The following IGF2R variants were observed in gnomAD, a reference collection of about 807,000 sequenced individuals.
The protein encoded by IGF2R is insulin like growth factor 2 receptor.
Under a neutral mutation model 270.6 loss-of-function variants are expected in IGF2R, and 91 were observed. The ratio of observed to expected loss-of-function variants is 0.34; its 90% CI spans 0.28 to 0.40. The LOEUF is 0.40. Ranked by LOEUF, IGF2R falls within the 10% of genes least tolerant of loss-of-function variation. The pLI is 1.00. For synonymous variants in IGF2R, 1,316 were observed against 1,258.9 expected (o/e 1.05, Z -0.96); for missense variants, 2,805 against 3,188.3 (o/e 0.88, Z 2.90).
chr6:159,992,122 A>G (rs1783988266), intron 2 of IGF2R, among the ~76,000 whole-genome samples: 1 of 152,226 alleles, frequency 6.6e-6, no homozygotes, highest in Non-Finnish European at 1.5e-5. Context: ...TAGAGATGGT[A>G]TATGACTAGG....
Position 160,056,456 on chromosome 6 carries a change from G to A in IGF2R, c.2727G>A (p.Glu909=). ...ACCCCATCTTTTCTCTCAACTGGGA[G>A]TGTGTGGTCAGTTTCCTGTGGAACA... ...NSHPIFSLNW[E]CVVSFLWNTE... is the part of the protein sequence containing the mutation. The change falls in exon 20 of 48, where the codon GAG becomes GAA. Residue 909 remains glutamate (E), a synonymous_variant. Transcript: ENST00000356956. The A allele has an allele frequency of 1.9e-6, 3 of 1,614,078 alleles. No homozygotes were observed. The highest frequency in any genetic ancestry group is 2.5e-6 in the Non-Finnish European group (3 of 1,179,922).
At chr6:160,065,098 C>T (rs1778538100) in intron 29 of IGF2R, among the ~76,000 whole-genome samples, 197 bp downstream of exon 29, 1 of 152,168 alleles carries the variant, frequency 6.6e-6, no homozygotes, top group Non-Finnish European at 1.5e-5. Context: ...GTGGTGACTG[C>T]ATGGGGAAGG....
At chr6:160,012,303 G>C (rs1034095058) in intron 4 of IGF2R, among the ~76,000 whole-genome samples, 2 of 152,164 alleles carry the variant, frequency 1.3e-5, no homozygotes, top group African/African-American at 2.4e-5. Context: ...GTTTGGGGGT[G>C]AGGGTGGGAG....
intron 45 of IGF2R, among the ~76,000 whole-genome samples, chr6:160,097,754 C>T (rs1324218699): frequency 6.6e-6 from 1 of 152,134 alleles, no homozygotes; most frequent in Admixed American, 6.5e-5. Context: ...AGTCAGCAGA[C>T]GACAGTGGTG....
chr6:160,031,138 G>A (rs573955690), intron 7 of IGF2R, among the ~76,000 whole-genome samples: 8 of 152,232 alleles, frequency 5.3e-5, no homozygotes, highest in Non-Finnish European at 1.2e-4. Flanking sequence ...CACCGCACCG[G>A]CCAGGTTTCT....
chr6:160,075,430 G>T (rs919167427), intron 35 of IGF2R, among the ~76,000 whole-genome samples: 1 of 152,200 alleles, frequency 6.6e-6, no homozygotes, highest in African/African-American at 2.4e-5. Context: ...AGGGTGGCAG[G>T]TCAGCATGGA....
chr6:159,984,392 G>A (rs10945645), intron 1 of IGF2R, among the ~76,000 whole-genome samples: 27,034 of 152,096 alleles, frequency 0.18, 2,891 homozygotes, highest in East Asian at 0.46. Flanking sequence ...TTATGAAAGC[G>A]TCCAGTCAGG....
chr6:160,110,445 A>T lies in IGF2R; in HGVS notation c.*5361A>T, dbSNP rs1583313633. ...CGAAAGACAACAAGTGTGGGTGAGG[A>T]TGTGGAGAAAAGCGAACACTTGTCC... is the stretch of plus-strand genomic sequence containing the variant. On this transcript the variant is annotated 3_prime_UTR_variant, in exon 48 of 48. Transcript: ENST00000356956. 1 of 152,252 alleles carries T rather than the reference A, an allele frequency of 6.6e-6. No individual in the cohort carries two copies. The highest frequency in any genetic ancestry group is 1.5e-5 in the Non-Finnish European group (1 of 68,048). The allele number at this position is 152,252 out of a possible 1,614,324, so 9.4% of individuals were successfully genotyped here.
intron 4 of IGF2R, among the ~76,000 whole-genome samples, chr6:160,020,237 A>G (rs1207817772): frequency 1.3e-5 from 2 of 152,040 alleles, no homozygotes; most frequent in African/African-American, 4.8e-5. Flanking sequence ...CTAGAAATAC[A>G]TTTAGCCAAG....
chr6:160,010,432 C>G (rs1183812930), intron 3 of IGF2R: 1 of 351,924 alleles, frequency 2.8e-6, no homozygotes, highest in Non-Finnish European at 5.2e-6. Flanking sequence ...ACTCAATGTA[C>G]TTGCACAGCT....
chr6:160,089,910 C>G lies in IGF2R; in HGVS notation c.6468-6C>G. On this transcript the variant is annotated splice_polypyrimidine_tract_variant and splice_region_variant and intron_variant, in intron 43 of 47. Coordinates refer to ENST00000356956, the MANE Select transcript of IGF2R (RefSeq NM_000876.4). The stretch of plus-strand genomic sequence containing the variant: ...CATGTCACTGTGATCTTTTCTGTCT[C>G]TTCAGGCTGTTCAGAGCCTCTGGGG... 6.4e-7 allele frequency: 1 copy of G among 1,561,612 alleles called. No homozygotes were observed. The highest frequency in any genetic ancestry group is 1.2e-5 in the South Asian group (1 of 83,634).
chr6:160,102,468 G>T lies in IGF2R; in HGVS notation c.6843-51G>T, dbSNP rs1312543722. ...GACTCAGGTCTCAGGTTGTGGCTGT[G>T]GCAGCAGGACCACCCTGTGACACGG... On this transcript the variant is annotated intron_variant, in intron 45 of 47. Coordinates refer to ENST00000356956, the MANE Select transcript of IGF2R (RefSeq NM_000876.4). The surrounding 1 kb of genome is among the most constrained non-coding windows in gnomAD (Gnocchi z 4.5). 1 of 1,583,144 alleles carries T rather than the reference G, an allele frequency of 6.3e-7. No homozygotes were observed. The highest frequency in any genetic ancestry group is 1.7e-5 in the Admixed American group (1 of 59,156).
chr6:160,100,258 A>G lies in IGF2R; in HGVS notation c.6843-2261A>G, dbSNP rs6455681. ...TCTGTTTACAGGGAACATGCCTAAA[A>G]CAAGGATACAGAAAAGACCAAAGTC... On this transcript the variant is annotated intron_variant, in intron 45 of 47. Coordinates refer to ENST00000356956, the MANE Select transcript of IGF2R (RefSeq NM_000876.4). 4.0e-3 allele frequency among the ~76,000 whole-genome samples: 611 copies of G among 152,298 alleles called. 5 individuals are homozygous for G. The highest frequency in any genetic ancestry group is 0.013 in the African/African-American group (544 of 41,570).
chr6:160,050,672 T>C lies in IGF2R; in HGVS notation c.2694+20T>C, dbSNP rs2115251652. On this transcript the variant is annotated intron_variant, in intron 19 of 47. Coordinates refer to ENST00000356956, the MANE Select transcript of IGF2R (RefSeq NM_000876.4). This position sits in a 1 kb window ranked among gnomAD's most constrained non-coding sequence, Gnocchi z 4.0. ...AGGCTGGTAAGGCACTGCTGCTGGC[T>C]GGTGACCTTCACTGCTGCATTTTTT... The C allele has an allele frequency of 6.3e-7, 1 of 1,582,644 alleles. No individual in the cohort carries two copies. The highest frequency in any genetic ancestry group is 1.1e-5 in the South Asian group (1 of 88,616).
At chr6:160,069,165 C>T (rs1295661240) in intron 30 of IGF2R, among the ~76,000 whole-genome samples, 1 of 152,064 alleles carries the variant, frequency 6.6e-6, no homozygotes, top group African/African-American at 2.4e-5. Context: ...GACTGGATGT[C>T]AGCTGTACAT....
Position 160,064,634 on chromosome 6 carries a change from G to T in IGF2R, c.4017+103G>T, listed in dbSNP as rs1395964386. On this transcript the variant is annotated intron_variant, in intron 28 of 47. Coordinates refer to ENST00000356956, the MANE Select transcript of IGF2R (RefSeq NM_000876.4). ...TCCTCAGATCTCATCAAATCTCCTGGTTAACTGAGTTTAAAATAACCATTT... is the reference window on the plus strand; with the variant it reads ...TCCTCAGATCTCATCAAATCTCCTGTTTAACTGAGTTTAAAATAACCATTT... 1.1e-5 allele frequency: 15 copies of T among 1,335,090 alleles called. No homozygotes were observed. In the East Asian group the frequency reaches 3.0e-4, roughly 27 times the overall value. 82.7% of individuals were successfully genotyped at this position (1,335,090 alleles called of 1,614,324 possible). A position where few individuals can be genotyped will look rare whatever the true frequency, so the allele number is the denominator to read the frequency against.
intron 2 of IGF2R, among the ~76,000 whole-genome samples, chr6:159,997,237 G>C (rs1784066618): frequency 6.6e-6 from 1 of 152,184 alleles, no homozygotes; most frequent in Non-Finnish European, 1.5e-5. Context: ...CTTAGGAGCA[G>C]CACTCCCTGA....
At chr6:160,000,346 T>TG (rs1409434212) in intron 2 of IGF2R, among the ~76,000 whole-genome samples, 1 of 151,696 alleles carries the variant, frequency 6.6e-6, no homozygotes, top group African/African-American at 2.4e-5. Context: ...AGGAGAGGAG[T>TG]GGGGCGGTGC....
intron 29 of IGF2R, among the ~76,000 whole-genome samples, chr6:160,066,416 G>A (rs768678868): frequency 6.6e-6 from 1 of 152,088 alleles, no homozygotes; most frequent in African/African-American, 2.4e-5. Flanking sequence ...GCCTCCCAAA[G>A]TGCTGGGATT....
Sources: gnomAD v4.1 joint callset for allele counts (sites outside exome capture counted in the v4.1 genomes callset) on GRCh38, gnomAD v4.1.1 for gene constraint, Gnocchi (gnomAD v3.1) non-coding constraint, MANE v1.5 for transcripts, NCBI Gene and HGNC (gene_info 2026-07-23, HGNC 2026-07-21) for gene names.